The following SLC25A13 variants were observed in gnomAD, a reference collection of about 807,000 sequenced individuals.
The protein encoded by SLC25A13 is solute carrier family 25 member 13.
In SLC25A13, 70 loss-of-function variants were observed where a neutral mutation model predicts 85.5. The observed-to-expected ratio is 0.82, with a 90% CI of 0.68 to 1.00. The LOEUF (loss-of-function observed/expected upper bound fraction) is 1.00. Among genes scored for constraint, SLC25A13 ranks in the 50% least tolerant of loss-of-function variants. SLC25A13 has a pLI of 0.00. For missense variants in SLC25A13, 765 were observed against 819.8 expected (o/e 0.93, Z 0.82); for synonymous variants, 259 against 288.7 (o/e 0.90, Z 1.04).
intron 1 of SLC25A13, among the ~76,000 whole-genome samples, chr7:96,319,328 C>T (rs1436934471): frequency 3.3e-5 from 5 of 152,044 alleles, no homozygotes; most frequent in Non-Finnish European, 7.4e-5. Flanking sequence ...GCAGGCAGAT[C>T]ACGAGGTCAA....
intron 3 of SLC25A13, among the ~76,000 whole-genome samples, chr7:96,258,663 C>T (rs1356534986): frequency 3.3e-5 from 5 of 152,166 alleles, no homozygotes; most frequent in African/African-American, 9.6e-5. Context: ...AGATTCAATG[C>T]TATTCCCATC....
chr7:96,221,147 T>C (rs1441661872), intron 4 of SLC25A13, among the ~76,000 whole-genome samples: 1 of 152,228 alleles, frequency 6.6e-6, no homozygotes, highest in Non-Finnish European at 1.5e-5. Flanking sequence ...TGCAAATCCG[T>C]ATTTAGCTTT....
At chr7:96,193,946 C>G (rs1284642761) in intron 5 of SLC25A13, among the ~76,000 whole-genome samples, 1 of 152,128 alleles carries the variant, frequency 6.6e-6, no homozygotes, top group African/African-American at 2.4e-5. Flanking sequence ...GACAGAAAGT[C>G]CAATCACAGA....
chr7:96,189,758 T>A, intron 7 of SLC25A13, 84 bp from the exon 8 acceptor site: 1 of 1,078,996 alleles, frequency 9.3e-7, no homozygotes, highest in Non-Finnish European at 1.4e-6. Context: ...CTGGAATGAG[T>A]GAACATCACA....
chr7:96,213,527 C>G (rs1387728947), intron 4 of SLC25A13, among the ~76,000 whole-genome samples: 1 of 152,212 alleles, frequency 6.6e-6, no homozygotes, highest in Non-Finnish European at 1.5e-5. Context: ...CTCCAGGAGT[C>G]AAACTTAGAG....
At chr7:96,181,678 T>A (rs888728852) in intron 11 of SLC25A13, among the ~76,000 whole-genome samples, 1 of 152,208 alleles carries the variant, frequency 6.6e-6, no homozygotes, top group Non-Finnish European at 1.5e-5. Flanking sequence ...TCAGGAAATA[T>A]GAGCAATTAC....
Position 96,135,380 on chromosome 7 carries a change from A to C in SLC25A13, c.1453-3499T>G, listed in dbSNP as rs76443760. Among the ~76,000 whole-genome samples, 151 of 152,204 alleles carry C rather than the reference A, an allele frequency of 9.9e-4. 2 individuals carry two copies. In the East Asian group the frequency reaches 0.015, roughly 15 times the overall value. ...CCCAAGGAAAGACAGAGACTTATTA[A>C]ATTTCCCTGGCCTCTTTTTCCCCAC... On this transcript the variant is annotated intron_variant, in intron 14 of 17. Coordinates refer to ENST00000265631, the MANE Select transcript of SLC25A13 (RefSeq NM_014251.3).
chr7:96,274,774 G>C (rs561153287), intron 3 of SLC25A13, among the ~76,000 whole-genome samples: 1 of 152,054 alleles, frequency 6.6e-6, no homozygotes, highest in Non-Finnish European at 1.5e-5. Flanking sequence ...GAATCCTTTC[G>C]CCATTTCTTG....
chr7:96,258,009 A>C (rs956829068), intron 3 of SLC25A13, among the ~76,000 whole-genome samples: 5 of 152,228 alleles, frequency 3.3e-5, no homozygotes, highest in African/African-American at 1.2e-4. Context: ...CTTTGATAAA[A>C]TTCAACATCC....
chr7:96,229,035 G>T (rs1292163422), intron 4 of SLC25A13, among the ~76,000 whole-genome samples: 1 of 152,178 alleles, frequency 6.6e-6, no homozygotes, highest in African/African-American at 2.4e-5. Flanking sequence ...CCCAACGGGT[G>T]CCGCCCCCTG....
At chr7:96,246,190 T>C (rs563167380) in intron 3 of SLC25A13, among the ~76,000 whole-genome samples, 3 of 152,340 alleles carry the variant, frequency 2.0e-5, no homozygotes, top group Admixed American at 2.0e-4. Context: ...AGTTTGATCA[T>C]TCCCTTGATT....
At chr7:96,135,658 T>C (rs537361229) in intron 14 of SLC25A13, among the ~76,000 whole-genome samples, 1 of 152,308 alleles carries the variant, frequency 6.6e-6, no homozygotes, top group South Asian at 2.1e-4. Flanking sequence ...ATGTATAATT[T>C]TTACCAAGAG....
intron 13 of SLC25A13, 124 bp downstream of exon 13, chr7:96,169,921 T>A: frequency 2.0e-6 from 2 of 984,134 alleles, no homozygotes; most frequent in Non-Finnish European, 3.3e-6. Context: ...GGTGCCCTAG[T>A]AGACTCTGCC....
intron 13 of SLC25A13, among the ~76,000 whole-genome samples, chr7:96,153,252 C>T (rs907105453): frequency 1.3e-5 from 2 of 152,154 alleles, no homozygotes; most frequent in African/African-American, 2.4e-5. Flanking sequence ...CAAACAGAAT[C>T]GAATTTGGCA....
intron 2 of SLC25A13, among the ~76,000 whole-genome samples, chr7:96,279,297 A>T (rs1282842050): frequency 2.0e-5 from 3 of 152,100 alleles, no homozygotes; most frequent in Admixed American, 6.6e-5. Flanking sequence ...TCTCCTTTGA[A>T]ATTTCTTCCA....
At chr7:96,276,124 G>T (rs1390577373) in intron 3 of SLC25A13, among the ~76,000 whole-genome samples, 2 of 152,196 alleles carry the variant, frequency 1.3e-5, no homozygotes, top group African/African-American at 4.8e-5. Context: ...AGGGACAGAA[G>T]CAAAGTCTCC....
At chr7:96,232,801 G>A (rs1021271842) in intron 4 of SLC25A13, among the ~76,000 whole-genome samples, 4 of 152,052 alleles carry the variant, frequency 2.6e-5, no homozygotes, top group African/African-American at 9.7e-5. Flanking sequence ...TTATTACCCC[G>A]ATTTTAGAGA....
chr7:96,168,819 A>G (rs1483166650), intron 13 of SLC25A13, among the ~76,000 whole-genome samples: 1 of 152,238 alleles, frequency 6.6e-6, no homozygotes, highest in Non-Finnish European at 1.5e-5. Context: ...GGACTAGGCT[A>G]GGCACAGCCT....
chr7:96,121,078 G>T lies in SLC25A13; in HGVS notation c.*113C>A. 8.3e-7 allele frequency: 1 copy of T among 1,200,184 alleles called. No homozygotes were observed. The highest frequency in any genetic ancestry group is 1.5e-5 in the African/African-American group (1 of 66,906). 74.3% of individuals were successfully genotyped at this position (1,200,184 alleles called of 1,614,324 possible). On this transcript the variant is annotated 3_prime_UTR_variant, in exon 18 of 18. Transcript: ENST00000265631. ...TCACATGATAAAAAAGCCTGGACTT[G>T]AATTTAAACAAGAGATGGACGTAAA...
Sources: allele counts gnomAD v4.1 joint callset (sites outside exome capture counted in the v4.1 genomes callset), GRCh38; gene constraint gnomAD v4.1.1; transcripts MANE v1.5; gene names NCBI Gene and HGNC (gene_info 2026-07-23, HGNC 2026-07-21).